GRIK3: variants seen among roughly 807,000 people sequenced by gnomAD.
The protein encoded by GRIK3 is glutamate receptor ionotropic, kainate 3.
Under a neutral mutation model 102.5 loss-of-function variants are expected in GRIK3, and 29 were observed. The observed-to-expected ratio is 0.28, with a 90% CI of 0.21 to 0.39. The LOEUF is 0.39. GRIK3 is among the 10% of genes least tolerant of loss of function. The pLI is 1.00. For synonymous variants in GRIK3, 511 were observed against 504.9 expected (o/e 1.01, Z -0.16); for missense variants, 908 against 1,252.4 (o/e 0.73, Z 4.15).
intron 1 of GRIK3, among the ~76,000 whole-genome samples, chr1:36,976,467 A>G (rs1392283367): frequency 1.3e-5 from 2 of 152,186 alleles, no homozygotes; most frequent in African/African-American, 2.4e-5. Flanking sequence ...GAATAAGCCA[A>G]TTGGGCAGGG....
chr1:36,912,947 C>A (rs4653231), intron 1 of GRIK3, among the ~76,000 whole-genome samples: 72 of 152,310 alleles, frequency 4.7e-4, no homozygotes, highest in Admixed American at 2.2e-3. Flanking sequence ...ATCTCTCAGA[C>A]CATCTGTAAT....
At chr1:36,933,508 T>G in intron 1 of GRIK3, among the ~76,000 whole-genome samples, 1 of 152,236 alleles carries the variant, frequency 6.6e-6, no homozygotes, top group East Asian at 1.9e-4. Context: ...GATTTCCCCC[T>G]CCACCATCAC....
chr1:37,014,685 A>T (rs1642633244), intron 1 of GRIK3, among the ~76,000 whole-genome samples: 1 of 152,232 alleles, frequency 6.6e-6, no homozygotes. Flanking sequence ...AGCAGAGGCC[A>T]GAAACACAGG....
chr1:37,016,717 TG>T (rs1642655972), intron 1 of GRIK3, among the ~76,000 whole-genome samples: 1 of 152,070 alleles, frequency 6.6e-6, no homozygotes, highest in Admixed American at 6.6e-5. Context: ...CTGAGGCATA[TG>T]TGAATGTGGG....
chr1:36,973,586 ATT>A (rs35781786), intron 1 of GRIK3, among the ~76,000 whole-genome samples: 4 of 141,564 alleles, frequency 2.8e-5, no homozygotes, highest in Admixed American at 7.0e-5. Flanking sequence ...CGCCCGGCTA[ATT>A]TTTTTTTTTT....
intron 5 of GRIK3, among the ~76,000 whole-genome samples, chr1:36,865,312 A>G (rs493107): frequency 0.061 from 9,251 of 152,278 alleles, 748 homozygotes; most frequent in African/African-American, 0.18. Flanking sequence ...TAATTAAAAT[A>G]TCTTCTGCAT....
intron 1 of GRIK3, among the ~76,000 whole-genome samples, chr1:37,024,247 G>T (rs1373843587): frequency 2.0e-5 from 3 of 152,256 alleles, no homozygotes; most frequent in Middle Eastern, 3.4e-3. Flanking sequence ...TTAGTCTGAA[G>T]AAATAAATGC....
chr1:36,850,226 G>T lies in GRIK3; in HGVS notation c.1326+85C>A. The T allele has an allele frequency of 2.5e-6, 2 of 806,016 alleles. No individual in the cohort carries two copies. Among genetic ancestry groups the T allele is most frequent in the South Asian group, 1.4e-5 (1 of 71,470 alleles). 49.9% of individuals were successfully genotyped at this position (806,016 alleles called of 1,614,324 possible). A position where few individuals can be genotyped will look rare whatever the true frequency, so the allele number is the denominator to read the frequency against. ...CCTGCAGCCTCCATCTTCTGGGTGG[G>T]GGGGATAGAGGGGACTCTCCAGCCC... On this transcript the variant is annotated intron_variant, in intron 9 of 15. Transcript: ENST00000373091. This position sits in a 1 kb window ranked among gnomAD's most constrained non-coding sequence, Gnocchi z 4.0.
intron 1 of GRIK3, among the ~76,000 whole-genome samples, chr1:36,913,653 ACAAAGCACACAT>A (rs1255855671): frequency 6.6e-6 from 1 of 152,134 alleles, no homozygotes; most frequent in African/African-American, 2.4e-5. Context: ...GAGCAGACAC[ACAAAGCACACAT>A]CATTCTCATC....
At chr1:36,989,928 T>C (rs1642346977) in intron 1 of GRIK3, among the ~76,000 whole-genome samples, 2 of 152,210 alleles carry the variant, frequency 1.3e-5, no homozygotes, top group Non-Finnish European at 2.9e-5. Flanking sequence ...TTGAGGCTCA[T>C]TAAAATCCTA....
Position 36,819,521 on chromosome 1 carries a change from C to A in GRIK3, c.1873+215G>T, listed in dbSNP as rs569596935. Reference sequence around the variant, plus strand: ...GCTGGGTGGTTTTCTTAGCTTTAGACCCTGAGCCAGCTCCAGCCAGAGTGA... The same window carrying A: ...GCTGGGTGGTTTTCTTAGCTTTAGAACCTGAGCCAGCTCCAGCCAGAGTGA... On this transcript the variant is annotated intron_variant, in intron 12 of 15. Coordinates refer to ENST00000373091, the MANE Select transcript of GRIK3 (RefSeq NM_000831.4). This position sits in a 1 kb window ranked among gnomAD's most constrained non-coding sequence, Gnocchi z 4.1. Among the ~76,000 whole-genome samples, 3 of 152,346 alleles carry A rather than the reference C, an allele frequency of 2.0e-5. No individual in the cohort carries two copies. Among genetic ancestry groups the A allele is most frequent in the Admixed American group, 6.5e-5 (1 of 15,310 alleles).
intron 1 of GRIK3, among the ~76,000 whole-genome samples, chr1:36,978,777 T>C (rs1642219877): frequency 6.6e-6 from 1 of 152,184 alleles, no homozygotes; most frequent in Non-Finnish European, 1.5e-5. Context: ...AGTAAAAGCA[T>C]GCAAGGAGCC....
rs368366290 is a variant in GRIK3, at chr1:36,827,788, G to C, written c.1531-1962C>G. 3.7e-4 allele frequency among the ~76,000 whole-genome samples: 56 copies of C among 152,210 alleles called. No individual in the cohort carries two copies. In the East Asian group the frequency reaches 0.01, roughly 28 times the overall value. On this transcript the variant is annotated intron_variant, in intron 10 of 15. Transcript: ENST00000373091. ...ACAGCTCTGCAGGTGCTCCCGGCTG[G>C]GAGCAGCTGGGAAATACAACTTTGA...
rs148578155 is a variant in GRIK3, at chr1:37,024,552, G to A, written c.115+9442C>T. On this transcript the variant is annotated intron_variant, in intron 1 of 15. Coordinates refer to ENST00000373091, the MANE Select transcript of GRIK3 (RefSeq NM_000831.4). Reference sequence around the variant, plus strand: ...ACAAGGTCAGGAGTTCGACCAGCCTGGCCAATATGGTGAAACCCCATCTCT... The same window carrying A: ...ACAAGGTCAGGAGTTCGACCAGCCTAGCCAATATGGTGAAACCCCATCTCT... Among the ~76,000 whole-genome samples, 249 of 151,238 alleles carry A rather than the reference G, an allele frequency of 1.6e-3. 6 individuals are homozygous for A. In the East Asian group the frequency reaches 0.043, roughly 26 times the overall value.
chr1:36,934,139 T>TA (rs1262642320), intron 1 of GRIK3, among the ~76,000 whole-genome samples: 1 of 152,168 alleles, frequency 6.6e-6, no homozygotes, highest in Non-Finnish European at 1.5e-5. Flanking sequence ...GAGGTCCTGG[T>TA]AGCATTGGAT....
At chr1:36,941,952 T>G (rs1641725357) in intron 1 of GRIK3, among the ~76,000 whole-genome samples, 1 of 152,202 alleles carries the variant, frequency 6.6e-6, no homozygotes, top group Admixed American at 6.5e-5. Context: ...ACCTTGCAGA[T>G]GCAGGAATAG....
intron 1 of GRIK3, among the ~76,000 whole-genome samples, chr1:36,906,605 G>A (rs989775059): frequency 2.0e-5 from 3 of 151,122 alleles, no homozygotes; most frequent in African/African-American, 4.9e-5. Context: ...GCAAAGGATC[G>A]GAGGGTAAAT....
chr1:36,804,809 G>C, intron 15 of GRIK3, 178 bp downstream of exon 15: 2 of 783,830 alleles, frequency 2.6e-6, no homozygotes, highest in Non-Finnish European at 4.0e-6. Context: ...AACGGCGATG[G>C]AAAAAAGTGC....
chr1:36,905,011 TG>T (rs1388683528), intron 1 of GRIK3, among the ~76,000 whole-genome samples: 12 of 151,884 alleles, frequency 7.9e-5, no homozygotes. Flanking sequence ...GGGAATCAGG[TG>T]AAAACCTAGC....
Sources: gnomAD v4.1 joint callset for allele counts (sites outside exome capture counted in the v4.1 genomes callset) on GRCh38, gnomAD v4.1.1 for gene constraint, Gnocchi (gnomAD v3.1) non-coding constraint, MANE v1.5 for transcripts, NCBI Gene and HGNC (gene_info 2026-07-23, HGNC 2026-07-21) for gene names.